SMARCA2: variants seen among roughly 807,000 people sequenced by gnomAD.
SMARCA2 encodes the protein SWI/SNF related BAF chromatin remodeling complex subunit ATPase 2.
SMARCA2 carries 61 observed loss-of-function variants against 199.8 expected under a neutral mutation model. That is an observed-to-expected ratio of 0.31 (90% CI 0.25 to 0.38). The LOEUF is 0.38. Ranked by LOEUF, SMARCA2 falls within the 10% of genes least tolerant of loss-of-function variation. The pLI is 1.00. For synonymous variants in SMARCA2, 935 were observed against 732.0 expected, an observed-to-expected ratio of 1.28 and a Z score of -4.48; for missense variants, 1,344 against 2,012.2, an observed-to-expected ratio of 0.67 and a Z score of 6.35.
intron 1 of SMARCA2, among the ~76,000 whole-genome samples, chr9:2,025,268 C>T (rs1818776914): frequency 6.6e-6 from 1 of 152,002 alleles, no homozygotes; most frequent in South Asian, 2.1e-4. Context: ...AGTGGTTTGG[C>T]CCTCGGGGAG....
intron 27 of SMARCA2, among the ~76,000 whole-genome samples, chr9:2,155,720 CTTTTTTTTTTTTTTTTTTTTTTTT>C (rs59156319): frequency 1.9e-4 from 10 of 53,152 alleles, no homozygotes; most frequent in African/African-American, 3.3e-4. Flanking sequence ...AAGAGAAAAC[CTTTTTTTTTTTTTTTTTTTTTTTT>C]TTTTTTTTTT....
At chr9:2,047,946 A>C (rs999952601) in intron 5 of SMARCA2, 1 of 152,240 alleles carries the variant, frequency 6.6e-6, no homozygotes, top group Admixed American at 6.5e-5. Context: ...TACAAGGTCT[A>C]TACTTAAATC....
intron 3 of SMARCA2, among the ~76,000 whole-genome samples, chr9:2,034,168 C>G (rs938883583): frequency 1.3e-5 from 2 of 151,124 alleles, no homozygotes; most frequent in Non-Finnish European, 1.5e-5. Context: ...TCGCTTGAAC[C>G]CGGGGGCAGA....
Position 2,056,756 on chromosome 9 carries a change from C to T in SMARCA2, c.1258C>T (p.Arg420Cys), listed in dbSNP as rs1207202747. 1.2e-6 allele frequency: 2 copies of T among 1,614,054 alleles called. No homozygotes were observed. Among genetic ancestry groups the T allele is most frequent in the African/African-American group, 1.3e-5 (1 of 74,920 alleles). ...LNSKAYKRSKRQTLREARMTE... is the reference protein window; with the variant it reads ...LNSKAYKRSKCQTLREARMTE... ...CTCCAAAGCATACAAACGGAGCAAGCGCCAGACTCTGAGAGAAGCTCGCAT... is the reference window on the plus strand; with the variant it reads ...CTCCAAAGCATACAAACGGAGCAAGTGCCAGACTCTGAGAGAAGCTCGCAT... Residue 420 changes from arginine to cysteine, a missense_variant, in exon 7 of 34, where the codon CGC (arginine) becomes TGC (cysteine). Physicochemically the swap from Arg to Cys is radical, Grantham distance 180. Transcript: ENST00000349721. This position sits in a 1 kb window ranked among gnomAD's most constrained non-coding sequence, Gnocchi z 4.0.
Position 2,073,227 on chromosome 9 carries a change from A to G in SMARCA2, c.1762A>G (p.Ser588Gly). ...TCCTTTGTAGCCCATAGATGAGAGC[A>G]GCCAGATGAGTGACCTCCCTGTCAA... ...GPDGEPIDES[S>G]QMSDLPVKVT... is the part of the protein sequence containing the mutation. The change falls in exon 11 of 34, where the codon AGC (serine) becomes GGC (glycine). Residue 588 changes from serine (S) to glycine (G), a missense_variant. Physicochemically the swap from Ser to Gly is moderately conservative, Grantham distance 56. Around this residue, in one of 18 missense-constraint regions of SMARCA2, gnomAD observed 68 missense variants for 70.4 expected, o/e 0.97. Coordinates refer to ENST00000349721, the MANE Select transcript of SMARCA2 (RefSeq NM_003070.5). The G allele has an allele frequency of 6.2e-7, 1 of 1,614,202 alleles. No individual in the cohort carries two copies. Among genetic ancestry groups the G allele is most frequent in the Non-Finnish European group, 8.5e-7 (1 of 1,180,040 alleles).
Position 2,119,348 on chromosome 9 carries a change from C to A in SMARCA2, c.3685-110C>A. On this transcript the variant is annotated intron_variant, in intron 25 of 33. Coordinates refer to ENST00000349721, the MANE Select transcript of SMARCA2 (RefSeq NM_003070.5). The surrounding 1 kb of genome is among the most constrained non-coding windows in gnomAD (Gnocchi z 4.6). ...TAAATCCAGCAACCCCTTCCCTTTTCTTTCTGCCTTGAGAAATGGGACCCC... is the reference window on the plus strand; with the variant it reads ...TAAATCCAGCAACCCCTTCCCTTTTATTTCTGCCTTGAGAAATGGGACCCC... 1.4e-6 allele frequency: 1 copy of A among 701,538 alleles called. No individual in the cohort carries two copies. Among genetic ancestry groups the A allele is most frequent in the East Asian group, 2.7e-5 (1 of 37,680 alleles). 43.5% of individuals were successfully genotyped at this position (701,538 alleles called of 1,614,324 possible).
intron 5 of SMARCA2, among the ~76,000 whole-genome samples, chr9:2,050,172 C>T (rs1036200504): frequency 6.6e-6 from 1 of 152,094 alleles, no homozygotes; most frequent in African/African-American, 2.4e-5. Context: ...AAATGTCTGC[C>T]TATGAGCACT....
intron 28 of SMARCA2, among the ~76,000 whole-genome samples, chr9:2,162,384 A>G (rs112122096): frequency 3.3e-5 from 5 of 152,312 alleles, no homozygotes; most frequent in African/African-American, 1.2e-4. Flanking sequence ...ATTTCTGAGC[A>G]CTTGAATTAT....
At chr9:2,175,575 T>C (rs573709795) in intron 29 of SMARCA2, among the ~76,000 whole-genome samples, 43 of 152,350 alleles carry the variant, frequency 2.8e-4, no homozygotes, top group Admixed American at 1.1e-3. Context: ...AGGTTGGTCC[T>C]ATGATCCTTA....
At chr9:2,162,142 A>C (rs1001311211) in intron 28 of SMARCA2, among the ~76,000 whole-genome samples, 10 of 152,240 alleles carry the variant, frequency 6.6e-5, no homozygotes, top group African/African-American at 2.4e-4. Flanking sequence ...AAAATGTTTA[A>C]AATATCTAAA....
At position 2,144,344 on chromosome 9, in the gene SMARCA2, A is replaced by G. The variant is rs150932155; in HGVS notation, c.3982-17342A>G. On this transcript the variant is annotated intron_variant, in intron 27 of 33. Transcript: ENST00000349721. ...TAAACTTTCTTGGCCAGATGAGGAA[A>G]TTCCAGAGCAAGTCCGTTCTTGTGT... is the stretch of plus-strand genomic sequence containing the variant. Among the ~76,000 whole-genome samples, 881 of 152,222 alleles carry G rather than the reference A, an allele frequency of 5.8e-3. 8 individuals carry two copies. Among genetic ancestry groups the G allele is most frequent in the African/African-American group, 0.02 (838 of 41,530 alleles).
chr9:2,147,941 C>A (rs12346120), intron 27 of SMARCA2, among the ~76,000 whole-genome samples: 1,773 of 151,494 alleles, frequency 0.012, 32 homozygotes, highest in African/African-American at 0.041. Flanking sequence ...TTGAGTGATT[C>A]TTGCACCTCA....
chr9:2,039,392 T>A lies in SMARCA2; in HGVS notation c.356-74T>A. 1 of 1,376,048 alleles carries A rather than the reference T, an allele frequency of 7.3e-7. No individual in the cohort carries two copies. The highest frequency in any genetic ancestry group is 1.0e-6 in the Non-Finnish European group (1 of 999,010). 85.2% of individuals were successfully genotyped at this position (1,376,048 alleles called of 1,614,324 possible). A position where few individuals can be genotyped will look rare whatever the true frequency, so the allele number is the denominator to read the frequency against. ...AGACAGTGTTGCTGTGGACAATTAT[T>A]AGAGTATTCAGGGATATCTCTCTTT... On this transcript the variant is annotated intron_variant, in intron 3 of 33. Coordinates refer to ENST00000349721, the MANE Select transcript of SMARCA2 (RefSeq NM_003070.5). This position sits in a 1 kb window ranked among gnomAD's most constrained non-coding sequence, Gnocchi z 4.8.
At chr9:2,018,599 C>T (rs756587977) in intron 1 of SMARCA2, among the ~76,000 whole-genome samples, 3 of 152,196 alleles carry the variant, frequency 2.0e-5, no homozygotes, top group Admixed American at 6.5e-5. Context: ...TTCAAACTTC[C>T]ATTTCAAAGG....
chr9:2,111,389 G>A lies in SMARCA2; in HGVS notation c.3456+972G>A, dbSNP rs375982321. Among the ~76,000 whole-genome samples, 87 of 151,826 alleles carry A rather than the reference G, an allele frequency of 5.7e-4. 2 individuals carry two copies. The South Asian group carries it at 0.017, about 29-fold the overall frequency. On this transcript the variant is annotated intron_variant, in intron 24 of 33. Transcript: ENST00000349721. ...ACCTGTAGTCCCAAGTTCCTCAGCA[G>A]GCTGAGGTGGGAGGATTGTTTGAGT... is the stretch of plus-strand genomic sequence containing the variant.
intron 32 of SMARCA2, among the ~76,000 whole-genome samples, chr9:2,188,148 T>G (rs1827617694): frequency 6.6e-6 from 1 of 152,190 alleles, no homozygotes; most frequent in South Asian, 2.1e-4. Context: ...ATGAACACTT[T>G]CCATGGCAAT....
chr9:2,169,649 A>G lies in SMARCA2; in HGVS notation c.4200-770A>G, dbSNP rs1826133677. ...GACAGGCACAGGCTGTGAATCCCAA[A>G]GGGTGCTGTCTACACCTGGAGGGAG... On this transcript the variant is annotated intron_variant, in intron 28 of 33. Coordinates refer to ENST00000349721, the MANE Select transcript of SMARCA2 (RefSeq NM_003070.5). This position sits in a 1 kb window ranked among gnomAD's most constrained non-coding sequence, Gnocchi z 6.5. 6.6e-6 allele frequency among the ~76,000 whole-genome samples: 1 copy of G among 152,056 alleles called. No individual in the cohort carries two copies. Among genetic ancestry groups the G allele is most frequent in the Non-Finnish European group, 1.5e-5 (1 of 67,992 alleles).
rs116257418 is a variant in SMARCA2, at chr9:2,191,023, G to C, written c.4595-243G>C. The stretch of plus-strand genomic sequence containing the variant: ...GATCCAGCCCCACTGTCCTCCATGA[G>C]ACCTCGGTCCCTCTTGTTGCCTGTT... On this transcript the variant is annotated intron_variant, in intron 32 of 33. Transcript: ENST00000349721. 9.5e-3 allele frequency among the ~76,000 whole-genome samples: 1,451 copies of C among 152,268 alleles called. 19 individuals are homozygous for C. Among genetic ancestry groups the C allele is most frequent in the African/African-American group, 0.033 (1,379 of 41,548 alleles).
chr9:2,092,380 A>C (rs1822098258), intron 19 of SMARCA2, among the ~76,000 whole-genome samples: 2 of 152,242 alleles, frequency 1.3e-5, no homozygotes, highest in South Asian at 4.1e-4. Flanking sequence ...TGGAATGCTT[A>C]GCATAATTAA....
Sources: gnomAD v4.1 joint callset for allele counts (sites outside exome capture counted in the v4.1 genomes callset) on GRCh38, gnomAD v4.1.1 for gene constraint, gnomAD v4.1.1 regional missense constraint, Gnocchi (gnomAD v3.1) non-coding constraint, MANE v1.5 for transcripts, NCBI Gene and HGNC (gene_info 2026-07-23, HGNC 2026-07-21) for gene names.